The following HECW1 variants were observed in gnomAD, a reference collection of about 807,000 sequenced individuals.
The protein encoded by HECW1 is E3 ubiquitin-protein ligase HECW1.
A neutral mutation model predicts 182.3 loss-of-function variants in HECW1; 61 were observed. The observed-to-expected ratio is 0.33, with a 90% confidence interval of 0.27 to 0.41. HECW1 has a LOEUF of 0.41. Among genes scored for constraint, HECW1 ranks in the 10% least tolerant of loss-of-function variants. The pLI, the probability that HECW1 is intolerant of heterozygous loss-of-function variation, is 1.00. For missense variants in HECW1, 1,739 were observed against 2,108.9 expected (o/e 0.82, Z 3.44); for synonymous variants, 859 against 832.6 (o/e 1.03, Z -0.55).
At chr7:43,308,016 T>C (rs1562812381) in intron 3 of HECW1, among the ~76,000 whole-genome samples, 5 of 120,290 alleles carry the variant, frequency 4.2e-5, no homozygotes, top group Non-Finnish European at 6.4e-5. Context: ...ATATACAGTA[T>C]ATATAATATA....
chr7:43,335,979 CT>C (rs201202223), intron 5 of HECW1, among the ~76,000 whole-genome samples: 2,546 of 146,996 alleles, frequency 0.017, 38 homozygotes, highest in Non-Finnish European at 0.027. Flanking sequence ...CCCTCTCTCT[CT>C]CTTTCTCTCT....
Position 43,467,637 on chromosome 7 carries a change from G to A in HECW1, c.2913+1069G>A, listed in dbSNP as rs888435019. On this transcript the variant is annotated intron_variant, in intron 15 of 29. Transcript: ENST00000395891. ...GGTTAAGACACAGGCTGATTCAACCGCTGAGTGAGAGATGATCTGGCTCTG... is the reference window on the plus strand; with the variant it reads ...GGTTAAGACACAGGCTGATTCAACCACTGAGTGAGAGATGATCTGGCTCTG... Among the ~76,000 whole-genome samples, 9 of 152,204 alleles carry A rather than the reference G, an allele frequency of 5.9e-5. No homozygotes were observed. In the South Asian group the frequency reaches 6.2e-4, roughly 11 times the overall value.
chr7:43,365,117 G>T (rs746905516), intron 6 of HECW1, among the ~76,000 whole-genome samples: 14 of 152,200 alleles, frequency 9.2e-5, no homozygotes, highest in Non-Finnish European at 1.8e-4. Flanking sequence ...GCACCCAGCC[G>T]GCATCATCTG....
intron 6 of HECW1, among the ~76,000 whole-genome samples, chr7:43,387,556 CA>C (rs2152831972): frequency 6.6e-6 from 1 of 152,334 alleles, no homozygotes; most frequent in Non-Finnish European, 1.5e-5. Flanking sequence ...ATGCTAACAG[CA>C]GCAAGACATT....
intron 8 of HECW1, among the ~76,000 whole-genome samples, chr7:43,430,779 T>TTTTTTATTATTATTATTATTATTA (rs1554410948): frequency 2.8e-5 from 4 of 141,720 alleles, no homozygotes; most frequent in African/African-American, 1.0e-4. Context: ...TTTATTTTTC[T>TTTTTTATTATTATTATTATTATTA]TTATTATTAT....
At chr7:43,293,477 G>T (rs1805668528) in intron 3 of HECW1, among the ~76,000 whole-genome samples, 1 of 152,052 alleles carries the variant, frequency 6.6e-6, no homozygotes, top group Non-Finnish European at 1.5e-5. Flanking sequence ...AGTAGCCTCT[G>T]GTCCTTTTGT....
chr7:43,199,785 C>T (rs1794864937), intron 2 of HECW1, among the ~76,000 whole-genome samples: 1 of 152,106 alleles, frequency 6.6e-6, no homozygotes, highest in Admixed American at 6.6e-5. Flanking sequence ...TTATTTCTCT[C>T]GTGTTCCAGT....
Position 43,554,674 on chromosome 7 carries a change from G to A in HECW1, c.4593G>A (p.Leu1531=). Residue 1531 remains leucine, a synonymous_variant, in exon 29 of 30, where the codon CTG becomes CTA. Transcript: ENST00000395891. ...ATAATGAGCAGAGGCTGAGATTACT[G>A]CAGTTTGTCACGGGAACATCCAGCG... ...RFNNEQRLRL[L]QFVTGTSSVP... 1 of 1,614,054 alleles carries A rather than the reference G, an allele frequency of 6.2e-7. No individual in the cohort carries two copies. Among genetic ancestry groups the A allele is most frequent in the South Asian group, 1.1e-5 (1 of 91,006 alleles).
chr7:43,418,938 C>A (rs2076097491), intron 8 of HECW1, among the ~76,000 whole-genome samples: 1 of 152,148 alleles, frequency 6.6e-6, no homozygotes, highest in Non-Finnish European at 1.5e-5. Context: ...TTACAGCAGA[C>A]AATTGATTTG....
At chr7:43,315,598 A>G (rs188547646) in intron 4 of HECW1, among the ~76,000 whole-genome samples, 1 of 152,120 alleles carries the variant, frequency 6.6e-6, no homozygotes, top group African/African-American at 2.4e-5. Flanking sequence ...GGTTCAAGCG[A>G]TTCTCCTGAT....
intron 8 of HECW1, among the ~76,000 whole-genome samples, chr7:43,418,118 G>A (rs1485003960): frequency 6.6e-6 from 1 of 152,074 alleles, no homozygotes; most frequent in Non-Finnish European, 1.5e-5. Context: ...TCTTCACGTG[G>A]TGTTCTCCCT....
At chr7:43,421,613 A>T (rs2076186498) in intron 8 of HECW1, among the ~76,000 whole-genome samples, 1 of 152,238 alleles carries the variant, frequency 6.6e-6, no homozygotes, top group South Asian at 2.1e-4. Flanking sequence ...AAAATGGAAC[A>T]AAGACTTCAA....
intron 6 of HECW1, among the ~76,000 whole-genome samples, chr7:43,391,320 T>C (rs2075021204): frequency 6.6e-6 from 1 of 152,188 alleles, no homozygotes; most frequent in Non-Finnish European, 1.5e-5. Flanking sequence ...GTTATAGAAA[T>C]GAAAACTCTC....
chr7:43,332,893 T>G (rs1811676273), intron 5 of HECW1, among the ~76,000 whole-genome samples: 2 of 152,344 alleles, frequency 1.3e-5, no homozygotes, highest in East Asian at 3.9e-4. Context: ...TTTTTCCTTT[T>G]TGTTAATGAG....
chr7:43,519,962 G>A (rs754621777), intron 24 of HECW1, among the ~76,000 whole-genome samples: 7 of 152,174 alleles, frequency 4.6e-5, no homozygotes, highest in Non-Finnish European at 8.8e-5. Context: ...ATGAGCCGAG[G>A]TAACAGGAGC....
rs13222817 is a variant in HECW1, at chr7:43,352,064, G to T, written c.461-8822G>T. On this transcript the variant is annotated intron_variant, in intron 5 of 29. Coordinates refer to ENST00000395891, the MANE Select transcript of HECW1 (RefSeq NM_015052.5). The stretch of plus-strand genomic sequence containing the variant: ...TTCTTTTCAGCTTCTCAGCCTCTCA[G>T]ATGCTTCTTTTAGAATCAACACACT... Among the ~76,000 whole-genome samples, 739 of 152,204 alleles carry T rather than the reference G, an allele frequency of 4.9e-3. 4 individuals carry two copies. The highest frequency in any genetic ancestry group is 0.017 in the African/African-American group (708 of 41,524).
At chr7:43,248,697 TCCTCCTCC>T (rs1562731940) in intron 3 of HECW1, 1 of 3,464 alleles carries the variant, frequency 2.9e-4, no homozygotes, top group African/African-American at 5.1e-4. Context: ...CTCCTCCTTT[TCCTCCTCC>T]TCCTCCTCCT....
At chr7:43,331,870 G>C (rs1811540859) in intron 5 of HECW1, among the ~76,000 whole-genome samples, 1 of 152,184 alleles carries the variant, frequency 6.6e-6, no homozygotes, top group Admixed American at 6.5e-5. Context: ...CAGAGCCCAT[G>C]GGAATGTCAG....
chr7:43,199,005 C>A (rs1369544341), intron 2 of HECW1, among the ~76,000 whole-genome samples: 2 of 152,220 alleles, frequency 1.3e-5, no homozygotes, highest in Non-Finnish European at 2.9e-5. Flanking sequence ...TTTGCCTTCC[C>A]AGTTCCAAAG....
Sources: gnomAD v4.1 joint callset for allele counts (sites outside exome capture counted in the v4.1 genomes callset) on GRCh38, gnomAD v4.1.1 for gene constraint, MANE v1.5 for transcripts, NCBI Gene and HGNC (gene_info 2026-07-23, HGNC 2026-07-21) for gene names.